Variants in PPP1R16B observed in about 807,000 individuals in gnomAD.
The protein encoded by PPP1R16B is protein phosphatase 1 regulatory subunit 16B.
Under a neutral mutation model 61.7 loss-of-function variants are expected in PPP1R16B, and 14 were observed. That is an observed-to-expected ratio of 0.23 (90% confidence interval 0.15 to 0.35). PPP1R16B has a LOEUF of 0.35. Among genes scored for constraint, PPP1R16B ranks in the 10% least tolerant of loss-of-function variants. The probability of loss-of-function intolerance (pLI) is 1.00; values close to 1 mark genes in which losing one functional copy is unlikely to be tolerated. For synonymous variants in PPP1R16B, 266 were observed against 305.3 expected, an observed-to-expected ratio of 0.87 and a Z score of 1.34; for missense variants, 547 against 752.5, an observed-to-expected ratio of 0.73 and a Z score of 3.19.
intron 1 of PPP1R16B, among the ~76,000 whole-genome samples, chr20:38,811,167 G>A (rs981330485): frequency 6.6e-6 from 1 of 152,150 alleles, no homozygotes; most frequent in Non-Finnish European, 1.5e-5. Context: ...GTGGCAAGAT[G>A]GTGGCTGAGC....
intron 1 of PPP1R16B, among the ~76,000 whole-genome samples, chr20:38,812,823 G>A (rs1484885832): frequency 2.0e-5 from 3 of 152,192 alleles, no homozygotes; most frequent in Non-Finnish European, 4.4e-5. Context: ...CAGGTTAGAT[G>A]TGCCCATTGG....
intron 2 of PPP1R16B, among the ~76,000 whole-genome samples, chr20:38,862,293 G>T (rs1025560204): frequency 2.6e-5 from 4 of 152,192 alleles, no homozygotes; most frequent in African/African-American, 7.2e-5. Context: ...GTTGAACTGG[G>T]CTGGGTGCCG....
chr20:38,810,330 G>A (rs1347704852), intron 1 of PPP1R16B, among the ~76,000 whole-genome samples: 1 of 152,230 alleles, frequency 6.6e-6, no homozygotes, highest in African/African-American at 2.4e-5. Flanking sequence ...TATCCTGCCG[G>A]GAGCCCCGAA....
intron 1 of PPP1R16B, among the ~76,000 whole-genome samples, chr20:38,820,015 T>C (rs1050304384): frequency 2.0e-5 from 3 of 152,220 alleles, no homozygotes; most frequent in Admixed American, 2.0e-4. Flanking sequence ...GAATTTTACA[T>C]AAATGCAATC....
intron 1 of PPP1R16B, among the ~76,000 whole-genome samples, chr20:38,832,592 C>T (rs891998287): frequency 4.6e-5 from 7 of 152,164 alleles, no homozygotes; most frequent in Non-Finnish European, 8.8e-5. Context: ...CCAGCACAGC[C>T]ATTCTGGAGA....
At chr20:38,823,636 CAA>C (rs1043145301) in intron 1 of PPP1R16B, among the ~76,000 whole-genome samples, 2 of 130,888 alleles carry the variant, frequency 1.5e-5, no homozygotes. Flanking sequence ...GACTTTGTCT[CAA>C]AAAAAAAAAA....
At chr20:38,825,587 C>G (rs181697071) in intron 1 of PPP1R16B, among the ~76,000 whole-genome samples, 1 of 152,218 alleles carries the variant, frequency 6.6e-6, no homozygotes, top group East Asian at 1.9e-4. Flanking sequence ...ACAGTTCTTC[C>G]TTTGCTCCCT....
intron 10 of PPP1R16B, among the ~76,000 whole-genome samples, chr20:38,910,657 T>C (rs1252539978): frequency 6.6e-6 from 1 of 151,334 alleles, no homozygotes; most frequent in Non-Finnish European, 1.5e-5. Context: ...CCTCAGCCTC[T>C]TGGGTAGCTG....
At chr20:38,848,333 A>G (rs2145727646) in intron 2 of PPP1R16B, among the ~76,000 whole-genome samples, 1 of 152,198 alleles carries the variant, frequency 6.6e-6, no homozygotes, top group East Asian at 1.9e-4. Context: ...TTTGTTTCCA[A>G]AGCATCAGCA....
intron 2 of PPP1R16B, among the ~76,000 whole-genome samples, chr20:38,856,831 A>G (rs1210606735): frequency 1.3e-5 from 2 of 152,220 alleles, no homozygotes; most frequent in Non-Finnish European, 2.9e-5. Context: ...CTGACTTCAG[A>G]ATCTGTCCTC....
Position 38,907,687 on chromosome 20 carries a change from C to A in PPP1R16B, c.899-119C>A. 2 of 1,346,390 alleles carry A rather than the reference C, an allele frequency of 1.5e-6. No homozygotes were observed. The highest frequency in any genetic ancestry group is 1.4e-5 in the South Asian group (1 of 72,914). 83.4% of individuals were successfully genotyped at this position (1,346,390 alleles called of 1,614,324 possible). On this transcript the variant is annotated intron_variant, in intron 8 of 10. Coordinates refer to ENST00000299824, the MANE Select transcript of PPP1R16B (RefSeq NM_015568.4). This position sits in a 1 kb window ranked among gnomAD's most constrained non-coding sequence, Gnocchi z 4.5. ...CATTGTTTTCTTGCCTCCCTGCATGCCCTGAAAGATGCTTGGAGTTTTCAG... is the reference window on the plus strand; with the variant it reads ...CATTGTTTTCTTGCCTCCCTGCATGACCTGAAAGATGCTTGGAGTTTTCAG...
chr20:38,913,507 C>T (rs1220509823), intron 10 of PPP1R16B, among the ~76,000 whole-genome samples: 2 of 152,122 alleles, frequency 1.3e-5, no homozygotes, highest in African/African-American at 2.4e-5. Flanking sequence ...GTGATCCACC[C>T]GCCTCGACCT....
Position 38,918,594 on chromosome 20 carries a change from C to T in PPP1R16B, c.1632C>T (p.Pro544=). 2 of 1,530,724 alleles carry T rather than the reference C, an allele frequency of 1.3e-6. No individual in the cohort carries two copies. The highest frequency in any genetic ancestry group is 1.8e-6 in the Non-Finnish European group (2 of 1,139,812). The allele number at this position is 1,530,724 out of a possible 1,614,324, so 94.8% of individuals were successfully genotyped here. ...ATTACACGGTCACCAGCGGAGATCC[C>T]CCACTCTTAAAGTTCAAGGCCCCCA... ...SVYYTVTSGD[P]PLLKFKAPIE... The change falls in exon 11 of 11, where the codon CCC becomes CCT. Residue 544 remains proline, a synonymous_variant. Transcript: ENST00000299824. This position sits in a 1 kb window ranked among gnomAD's most constrained non-coding sequence, Gnocchi z 5.3.
chr20:38,886,017 C>T (rs1434951386), intron 2 of PPP1R16B, among the ~76,000 whole-genome samples: 1 of 152,210 alleles, frequency 6.6e-6, no homozygotes, highest in Non-Finnish European at 1.5e-5. Flanking sequence ...CCCAAGTGAT[C>T]CACATGCCTT....
At chr20:38,889,319 G>A (rs1398597628) in intron 2 of PPP1R16B, among the ~76,000 whole-genome samples, 4 of 152,332 alleles carry the variant, frequency 2.6e-5, no homozygotes, top group Admixed American at 2.6e-4. Flanking sequence ...ACTAGAATGT[G>A]CATCCTCTGG....
intron 2 of PPP1R16B, among the ~76,000 whole-genome samples, chr20:38,855,928 A>G (rs2085002363): frequency 3.2e-5 from 2 of 61,832 alleles, no homozygotes; most frequent in Non-Finnish European, 5.8e-5. Context: ...ATATATATAT[A>G]TATATATATA....
intron 2 of PPP1R16B, among the ~76,000 whole-genome samples, chr20:38,881,527 C>G (rs927594437): frequency 6.6e-6 from 1 of 152,146 alleles, no homozygotes; most frequent in Non-Finnish European, 1.5e-5. Flanking sequence ...CGGGATGTGG[C>G]GACATCAGGC....
intron 6 of PPP1R16B, among the ~76,000 whole-genome samples, chr20:38,903,269 G>A (rs2085411151): frequency 6.6e-6 from 1 of 152,102 alleles, no homozygotes; most frequent in Non-Finnish European, 1.5e-5. Flanking sequence ...CAGGCTTCAT[G>A]TGTCCATCTT....
chr20:38,861,667 G>C (rs548168271), intron 2 of PPP1R16B, among the ~76,000 whole-genome samples: 44 of 147,244 alleles, frequency 3.0e-4, no homozygotes, highest in African/African-American at 1.1e-3. Context: ...GCCTGCTGCA[G>C]TTCTTCTTTT....
Sources: gnomAD v4.1 joint callset for allele counts (sites outside exome capture counted in the v4.1 genomes callset) on GRCh38, gnomAD v4.1.1 for gene constraint, Gnocchi (gnomAD v3.1) non-coding constraint, MANE v1.5 for transcripts, NCBI Gene and HGNC (gene_info 2026-07-23, HGNC 2026-07-21) for gene names.